The following DIPK1A variants were observed in gnomAD, a reference collection of about 807,000 sequenced individuals.
DIPK1A encodes the protein divergent protein kinase domain 1A.
A neutral mutation model predicts 40.8 loss-of-function variants in DIPK1A; 27 were observed. That is an observed-to-expected ratio of 0.66 (90% CI 0.49 to 0.91). The LOEUF (loss-of-function observed/expected upper bound fraction) is 0.91, where lower values mean the gene tolerates loss of function less well. Among genes scored for constraint, DIPK1A ranks in the 40% least tolerant of loss-of-function variants. The probability of loss-of-function intolerance (pLI) is 0.00; values close to 1 mark genes in which losing one functional copy is unlikely to be tolerated. For synonymous variants in DIPK1A, 166 were observed against 171.3 expected, an observed-to-expected ratio of 0.97 and a Z score of 0.24; for missense variants, 412 against 505.7, an observed-to-expected ratio of 0.81 and a Z score of 1.78.
intron 2 of DIPK1A, among the ~76,000 whole-genome samples, chr1:92,855,185 T>C (rs1557454542): frequency 6.6e-6 from 1 of 152,100 alleles, no homozygotes; most frequent in Non-Finnish European, 1.5e-5. Flanking sequence ...TGGGTTAAAG[T>C]AGAAATTACC....
intron 2 of DIPK1A, among the ~76,000 whole-genome samples, chr1:92,857,320 G>GTTT (rs765568724): frequency 3.0e-5 from 4 of 135,356 alleles, no homozygotes; most frequent in Non-Finnish European, 3.2e-5. Flanking sequence ...TTGTCATATT[G>GTTT]TTTTTTTTTT....
intron 1 of DIPK1A, among the ~76,000 whole-genome samples, chr1:92,883,226 TAGAC>T (rs1310498785): frequency 2.6e-5 from 4 of 152,180 alleles, no homozygotes; most frequent in East Asian, 1.9e-4. Context: ...AATTAACAAT[TAGAC>T]AGCCAGTATC....
chr1:92,879,101 G>T lies in DIPK1A; in HGVS notation c.55-2671C>A, dbSNP rs180690986. On this transcript the variant is annotated intron_variant, in intron 1 of 4. Transcript: ENST00000370310. ...AGGCTAGGGTGAGAGGATTGCTTGA[G>T]CCTGGGAGGCAGAGGTTGCAGTGAG... is the stretch of plus-strand genomic sequence containing the variant. Among the ~76,000 whole-genome samples the T allele has an allele frequency of 5.9e-3, 883 of 150,800 alleles. 12 individuals carry two copies. The highest frequency in any genetic ancestry group is 0.025 in the Middle Eastern group (7 of 280).
At chr1:92,954,955 G>C (rs1651790924) in intron 1 of DIPK1A, among the ~76,000 whole-genome samples, 1 of 152,122 alleles carries the variant, frequency 6.6e-6, no homozygotes, top group Admixed American at 6.5e-5. Context: ...TTCAGTAAGT[G>C]AATGGATAAA....
intron 1 of DIPK1A, among the ~76,000 whole-genome samples, chr1:92,877,488 A>G (rs1292020647): frequency 6.6e-6 from 1 of 152,246 alleles, no homozygotes; most frequent in Non-Finnish European, 1.5e-5. Flanking sequence ...TGAGAGAGAC[A>G]TAAGCACACC....
At chr1:92,955,369 C>G (rs1651807924) in intron 1 of DIPK1A, among the ~76,000 whole-genome samples, 1 of 152,106 alleles carries the variant, frequency 6.6e-6, no homozygotes. Context: ...AGTTCATTAA[C>G]TGTAAAACAT....
chr1:92,886,465 C>T (rs1020875315), intron 1 of DIPK1A, among the ~76,000 whole-genome samples: 8 of 152,028 alleles, frequency 5.3e-5, no homozygotes, highest in African/African-American at 1.4e-4. Flanking sequence ...GGATTATATG[C>T]GTGAGCCACT....
chr1:92,841,359 T>G (rs1389219190), downstream of DIPK1A, among the ~76,000 whole-genome samples: 2 of 152,230 alleles, frequency 1.3e-5, no homozygotes, highest in East Asian at 3.8e-4. Context: ...TCCATCATTT[T>G]TAAAGACTGG....
chr1:92,860,610 T>G (rs185694150), intron 2 of DIPK1A, among the ~76,000 whole-genome samples: 2 of 124,404 alleles, frequency 1.6e-5, no homozygotes, highest in Admixed American at 9.3e-5. Context: ...GCCAACTTGG[T>G]GAAACCCAAT....
chr1:92,912,768 A>T (rs976197681), intron 1 of DIPK1A, among the ~76,000 whole-genome samples: 4 of 152,158 alleles, frequency 2.6e-5, no homozygotes, highest in Admixed American at 2.6e-4. Flanking sequence ...TATACCTAAT[A>T]CATTAGACTA....
At chr1:92,853,085 A>G (rs2100731478) in intron 2 of DIPK1A, among the ~76,000 whole-genome samples, 1 of 152,266 alleles carries the variant, frequency 6.6e-6, no homozygotes, top group South Asian at 2.1e-4. Flanking sequence ...TTTGGAGGAC[A>G]AGGTTGAGAA....
intron 1 of DIPK1A, among the ~76,000 whole-genome samples, chr1:92,912,603 C>T (rs1649874867): frequency 6.6e-6 from 1 of 152,116 alleles, no homozygotes; most frequent in Non-Finnish European, 1.5e-5. Flanking sequence ...CCCACATACC[C>T]TCTTATCCAA....
chr1:92,883,599 C>G (rs1648477552), intron 1 of DIPK1A, among the ~76,000 whole-genome samples: 1 of 152,176 alleles, frequency 6.6e-6, no homozygotes, highest in Non-Finnish European at 1.5e-5. Flanking sequence ...CATGTCCAAC[C>G]TCTCAACTTA....
intron 2 of DIPK1A, among the ~76,000 whole-genome samples, chr1:92,868,955 G>A (rs569723082): frequency 3.6e-5 from 4 of 109,814 alleles, no homozygotes; most frequent in African/African-American, 1.1e-4. Flanking sequence ...GACAGAGTGA[G>A]ACTCAATCTT....
At chr1:92,834,976 AG>A in intron 4 of DIPK1A, 1 of 1,596,374 alleles carries the variant, frequency 6.3e-7, no homozygotes. Context: ...GTTTTCTGCA[AG>A]ATGTTTGTAC....
Position 92,843,981 on chromosome 1 carries a change from CT to C in DIPK1A, c.688del (p.Ser230ValfsTer10). On this transcript the variant is annotated frameshift_variant, in exon 5 of 5. Coordinates refer to ENST00000370310, the MANE Select transcript of DIPK1A (RefSeq NM_001006605.5). LOFTEE classifies it high-confidence loss of function. ...TCCATAAAGAGAGGTATATTCAACA[CT>C]TTCCATCACATAGAGGTCACCACAG... ...GFCGDLYVME[S>X]VEYTSLYGIS... 6.4e-7 allele frequency: 1 copy of C among 1,552,064 alleles called. No homozygotes were observed. Among genetic ancestry groups the C allele is most frequent in the South Asian group, 1.2e-5 (1 of 84,064 alleles).
chr1:92,919,008 T>C (rs1365498868), intron 1 of DIPK1A, among the ~76,000 whole-genome samples: 3 of 152,190 alleles, frequency 2.0e-5, no homozygotes, highest in African/African-American at 7.2e-5. Flanking sequence ...GCCTGGTTCC[T>C]AACAAGCCAT....
downstream of DIPK1A, among the ~76,000 whole-genome samples, chr1:92,841,198 C>T (rs1455544871): frequency 1.3e-5 from 2 of 152,184 alleles, no homozygotes; most frequent in South Asian, 2.1e-4. Flanking sequence ...TTTGCACCCA[C>T]CAGCCTCTGT....
intron 1 of DIPK1A, among the ~76,000 whole-genome samples, chr1:92,914,983 G>A (rs1649994634): frequency 6.6e-6 from 1 of 151,448 alleles, no homozygotes; most frequent in South Asian, 2.1e-4. Flanking sequence ...AGCTACTCGG[G>A]AGGCTGAGGG....
Sources: gnomAD v4.1 joint callset for allele counts (sites outside exome capture counted in the v4.1 genomes callset) on GRCh38, gnomAD v4.1.1 for gene constraint, MANE v1.5 for transcripts, NCBI Gene and HGNC (gene_info 2026-07-23, HGNC 2026-07-21) for gene names.